Variants in DHRS7C observed in about 807,000 individuals in gnomAD.
The protein encoded by DHRS7C is dehydrogenase/reductase 7C, also known as dehydrogenase/reductase SDR family member 7C.
In DHRS7C, 28 loss-of-function variants were observed where a neutral mutation model predicts 29.6. The observed-to-expected ratio is 0.95, with a 90% CI of 0.70 to 1.30. The LOEUF (loss-of-function observed/expected upper bound fraction) is 1.30, where lower values mean the gene tolerates loss of function less well. Ranked by LOEUF, DHRS7C falls within the 50% of genes most tolerant of loss-of-function variation. The probability of loss-of-function intolerance (pLI) is 0.00; values close to 1 mark genes in which losing one functional copy is unlikely to be tolerated. For missense variants in DHRS7C, 403 were observed against 393.3 expected (o/e 1.02, Z -0.21); for synonymous variants, 158 against 160.2 (o/e 0.99, Z 0.10).
intron 1 of DHRS7C, among the ~76,000 whole-genome samples, chr17:9,789,958 A>G (rs1948906607): frequency 6.6e-6 from 1 of 152,126 alleles, no homozygotes; most frequent in Admixed American, 6.5e-5. Context: ...TCTAGGGGCC[A>G]CTTAGAGAGC....
Position 9,791,055 on chromosome 17 carries a change from T to C in DHRS7C, c.154+76A>G. ...GAGCAGGTTTGCCCACACAGCGCCC[T>C]GCCGCCCTGCCACCCTGCCATCCTG... On this transcript the variant is annotated intron_variant, in intron 1 of 5. Coordinates refer to ENST00000571134, the MANE Select transcript of DHRS7C (RefSeq NM_001105571.3). The C allele has an allele frequency of 2.0e-6, 3 of 1,517,340 alleles. No individual in the cohort carries two copies. The South Asian group carries it at 3.9e-5, about 20-fold the overall frequency. The allele number at this position is 1,517,340 out of a possible 1,614,324, so 94.0% of individuals were successfully genotyped here.
Position 9,779,155 on chromosome 17 carries a change from A to G in DHRS7C, c.478+670T>C, listed in dbSNP as rs187221371. Among the ~76,000 whole-genome samples, 6 of 152,198 alleles carry G rather than the reference A, an allele frequency of 3.9e-5. No homozygotes were observed. In the East Asian group the frequency reaches 1.2e-3, roughly 29 times the overall value. On this transcript the variant is annotated intron_variant, in intron 3 of 5. Transcript: ENST00000571134. ...GAATTCCTGACTTCATGATCTGTCA[A>G]CTTTCTATTCTACTCTATGGTCATT...
chr17:9,777,298 G>A lies in DHRS7C; in HGVS notation c.479-13C>T, dbSNP rs975522979. 1 of 1,609,832 alleles carries A rather than the reference G, an allele frequency of 6.2e-7. No individual in the cohort carries two copies. Among genetic ancestry groups the A allele is most frequent in the East Asian group, 2.2e-5 (1 of 44,788 alleles). Reference sequence around the variant, plus strand: ...TTGGGAAGCAGGGCTGGAAAACACAGGACGATGCATCATGGTTAAAACTTT... The same window carrying A: ...TTGGGAAGCAGGGCTGGAAAACACAAGACGATGCATCATGGTTAAAACTTT... On this transcript the variant is annotated splice_polypyrimidine_tract_variant and intron_variant, in intron 3 of 5. Transcript: ENST00000571134.
intron 1 of DHRS7C, among the ~76,000 whole-genome samples, chr17:9,790,141 C>G (rs577137105): frequency 1.3e-5 from 2 of 152,138 alleles, no homozygotes; most frequent in Non-Finnish European, 2.9e-5. Flanking sequence ...AACGTTCTCA[C>G]GATGGCAGCA....
chr17:9,782,442 C>T (rs2066398270), intron 1 of DHRS7C, among the ~76,000 whole-genome samples: 1 of 152,150 alleles, frequency 6.6e-6, no homozygotes, highest in Non-Finnish European at 1.5e-5. Flanking sequence ...TCAGGAAAGT[C>T]TAGCTTTGGT....
At position 9,771,676 on chromosome 17, in the gene DHRS7C, A is replaced by C; in HGVS notation, c.748T>G (p.Tyr250Asp). ...IWKFFFRKLT[Y>D]GVHPVEVAEE... ...GCCACCTCTACTGGGTGCACGCCGT[A>C]GGTCAGCTTCCTGAAAAAGACTGAA... Residue 250 changes from tyrosine (Y) to aspartate (D), a missense_variant, in exon 6 of 6, where the codon TAC (tyrosine) becomes GAC (aspartate). Coordinates refer to ENST00000571134, the MANE Select transcript of DHRS7C (RefSeq NM_001105571.3). 3 of 1,515,070 alleles carry C rather than the reference A, an allele frequency of 2.0e-6. No homozygotes were observed. The highest frequency in any genetic ancestry group is 2.7e-6 in the Non-Finnish European group (3 of 1,126,898). The allele number at this position is 1,515,070 out of a possible 1,614,324, so 93.9% of individuals were successfully genotyped here. A position where few individuals can be genotyped will look rare whatever the true frequency, so the allele number is the denominator to read the frequency against.
rs2066383516 is a variant in DHRS7C at position 9,779,856 on chromosome 17, G to A, written c.447C>T (p.Ala149=). 15 of 1,613,352 alleles carry A rather than the reference G, an allele frequency of 9.3e-6. No homozygotes were observed. Among genetic ancestry groups the A allele is most frequent in the Non-Finnish European group, 1.2e-5 (14 of 1,179,710 alleles). Residue 149 remains alanine (A), a synonymous_variant, in exon 3 of 6, where the codon GCC becomes GCT. Transcript: ENST00000571134. ...SLELDKKIMD[A]NYFGPITLTK... ...TCAATGTGATGGGGCCAAAGTAATT[G>A]GCATCCATGATCTTTTTGTCGAGCT...
At chr17:9,778,444 C>T (rs1019011751) in intron 3 of DHRS7C, among the ~76,000 whole-genome samples, 7 of 150,708 alleles carry the variant, frequency 4.6e-5, no homozygotes, top group African/African-American at 9.8e-5. Context: ...GATGGACAAA[C>T]GGAAGTCCGG....
At chr17:9,783,083 G>GGCTATGAAGTCTAAATCAGGTGGGAA (rs2066402255) in intron 1 of DHRS7C, 1 of 152,272 alleles carries the variant, frequency 6.6e-6, no homozygotes, top group African/African-American at 2.4e-5. Flanking sequence ...CAGGAGTGAA[G>GGCTATGAAGTCTAAATCAGGTGGGAA]GCAGAAAAGG....
At chr17:9,779,492 C>A (rs985975309) in intron 3 of DHRS7C, among the ~76,000 whole-genome samples, 2 of 152,090 alleles carry the variant, frequency 1.3e-5, no homozygotes, top group South Asian at 4.1e-4. Context: ...ATTGTTGAGA[C>A]AATTGTTGGA....
At chr17:9,776,108 C>T (rs1807198682) in intron 4 of DHRS7C, among the ~76,000 whole-genome samples, 1 of 152,220 alleles carries the variant, frequency 6.6e-6, no homozygotes, top group South Asian at 2.1e-4. Flanking sequence ...GAGGCTGAGG[C>T]AGAAGAATCT....
intron 2 of DHRS7C, among the ~76,000 whole-genome samples, chr17:9,781,242 A>G (rs553478700): frequency 2.6e-5 from 4 of 152,216 alleles, no homozygotes; most frequent in Admixed American, 6.5e-5. Flanking sequence ...TTTGAGTTAC[A>G]TAGGGTCAGG....
Position 9,780,036 on chromosome 17 carries a change from C to G in DHRS7C, c.268-1G>C. 1 of 1,613,042 alleles carries G rather than the reference C, an allele frequency of 6.2e-7. No individual in the cohort carries two copies. Among genetic ancestry groups the G allele is most frequent in the Admixed American group, 1.7e-5 (1 of 59,928 alleles). On this transcript the variant is annotated splice_acceptor_variant, in intron 2 of 5. Transcript: ENST00000571134. LOFTEE classifies it high-confidence loss of function. ...ACAGGACCAGCTTTGGGGTGAATGT[C>G]TGCTGAACCAATGAGAGAGTCAGGG...
intron 2 of DHRS7C, 101 bp downstream of exon 2, chr17:9,781,381 T>C: frequency 9.5e-7 from 1 of 1,056,388 alleles, no homozygotes; most frequent in Non-Finnish European, 1.4e-6. Context: ...CCCAGAGCAA[T>C]CACCAAGTTT....
chr17:9,773,719 C>CTTTTTTTTTTTTTTT (rs757682123), intron 4 of DHRS7C, among the ~76,000 whole-genome samples: 8 of 86,004 alleles, frequency 9.3e-5, no homozygotes, highest in Non-Finnish European at 1.5e-4. Flanking sequence ...GCAATGAGGC[C>CTTTTTTTTTTTTTTT]TTTTTTTTTT....
chr17:9,781,368 T>C (rs1010603473), intron 2 of DHRS7C, 114 bp downstream of exon 2: 3 of 933,520 alleles, frequency 3.2e-6, no homozygotes, highest in Non-Finnish European at 1.6e-6. Context: ...TTGCCTCACA[T>C]TCCCCAGAGC....
intron 1 of DHRS7C, among the ~76,000 whole-genome samples, chr17:9,784,471 C>G (rs571100979): frequency 6.6e-6 from 1 of 151,476 alleles, no homozygotes; most frequent in South Asian, 2.1e-4. Flanking sequence ...GACTCCATCT[C>G]AAAAAAACAA....
At chr17:9,773,412 C>T (rs549246534) in intron 4 of DHRS7C, among the ~76,000 whole-genome samples, 8 of 152,170 alleles carry the variant, frequency 5.3e-5, no homozygotes, top group African/African-American at 1.2e-4. Flanking sequence ...TCGGAGAGCC[C>T]GTCCAGGTAA....
chr17:9,772,955 G>A (rs1473497813), intron 4 of DHRS7C, 33 bp from the exon 5 acceptor site: 1 of 1,609,576 alleles, frequency 6.2e-7, no homozygotes, highest in Middle Eastern at 1.7e-4. Context: ...GTGGGCGCAG[G>A]ACACTCCCGG....
Sources: allele counts gnomAD v4.1 joint callset (sites outside exome capture counted in the v4.1 genomes callset), GRCh38; gene constraint gnomAD v4.1.1; transcripts MANE v1.5; gene names NCBI Gene and HGNC (gene_info 2026-07-23, HGNC 2026-07-21).